Variants in SCAPER observed in about 807,000 individuals in gnomAD.
SCAPER encodes the protein S phase cyclin A-associated protein in the endoplasmic reticulum.
Under a neutral mutation model 182.2 loss-of-function variants are expected in SCAPER, and 98 were observed. The ratio of observed to expected loss-of-function variants is 0.54; its 90% CI spans 0.46 to 0.64. The LOEUF is 0.64. Ranked by LOEUF, SCAPER falls within the 30% of genes least tolerant of loss-of-function variation. The pLI, the probability that SCAPER is intolerant of heterozygous loss-of-function variation, is 0.00. For missense variants in SCAPER, 1,432 were observed against 1,690.0 expected, an observed-to-expected ratio of 0.85 and a Z score of 2.68; for synonymous variants, 605 against 564.6, an observed-to-expected ratio of 1.07 and a Z score of -1.01.
chr15:76,490,544 T>C (rs984188791), intron 24 of SCAPER, among the ~76,000 whole-genome samples: 8 of 152,206 alleles, frequency 5.3e-5, no homozygotes, highest in Non-Finnish European at 5.9e-5. Flanking sequence ...ATTTTGAACT[T>C]AACCCTTTCT....
At position 76,441,487 on chromosome 15, in the gene SCAPER, C is replaced by G. The variant is rs551698721; in HGVS notation, c.3079-7177G>C. On this transcript the variant is annotated intron_variant, in intron 25 of 31. Transcript: ENST00000563290. ...TCCCTGGTATCTCATTTCCTGCAAA[C>G]TAAAAGCTCCAAACCTCATGATGCC... Among the ~76,000 whole-genome samples the G allele has an allele frequency of 1.4e-4, 22 of 152,282 alleles. No individual in the cohort carries two copies. The South Asian group carries it at 1.5e-3, about 10-fold the overall frequency.
intron 29 of SCAPER, among the ~76,000 whole-genome samples, chr15:76,367,110 G>A (rs2041865034): frequency 6.6e-6 from 1 of 152,180 alleles, no homozygotes; most frequent in African/African-American, 2.4e-5. Flanking sequence ...CTCTATCAGA[G>A]CTGAAAGGCT....
intron 26 of SCAPER, among the ~76,000 whole-genome samples, chr15:76,420,076 A>G (rs1455740014): frequency 6.6e-6 from 1 of 152,098 alleles, no homozygotes; most frequent in Non-Finnish European, 1.5e-5. Flanking sequence ...CAATTTGACA[A>G]AACTCAACAT....
chr15:76,546,177 A>C (rs912890712), intron 23 of SCAPER, among the ~76,000 whole-genome samples: 55 of 152,294 alleles, frequency 3.6e-4, no homozygotes, highest in African/African-American at 1.3e-3. Context: ...TCTACACACC[A>C]AGATACACCC....
intron 25 of SCAPER, among the ~76,000 whole-genome samples, chr15:76,453,227 TC>T (rs978374419): frequency 6.6e-6 from 1 of 152,236 alleles, no homozygotes; most frequent in Non-Finnish European, 1.5e-5. Flanking sequence ...AGGGACATTC[TC>T]CTACATTACA....
chr15:76,741,165 A>G (rs2061519243), intron 15 of SCAPER, among the ~76,000 whole-genome samples: 1 of 152,142 alleles, frequency 6.6e-6, no homozygotes, highest in South Asian at 2.1e-4. Context: ...ACGAAGTATC[A>G]TGTATAGCAT....
At chr15:76,531,755 C>T (rs745492447) in intron 23 of SCAPER, among the ~76,000 whole-genome samples, 7 of 152,056 alleles carry the variant, frequency 4.6e-5, no homozygotes, top group African/African-American at 9.7e-5. Flanking sequence ...CAGTGTCTTC[C>T]GACTCTGAGT....
chr15:76,615,806 C>A (rs371837630), intron 22 of SCAPER, among the ~76,000 whole-genome samples: 8 of 134,546 alleles, frequency 5.9e-5, no homozygotes, highest in Non-Finnish European at 1.2e-4. Flanking sequence ...GGTAACAGAG[C>A]GAGATTCCAT....
chr15:76,503,582 T>C (rs1338156301), intron 24 of SCAPER, among the ~76,000 whole-genome samples: 4 of 152,210 alleles, frequency 2.6e-5, no homozygotes, highest in Admixed American at 6.5e-5. Context: ...TACACTATAA[T>C]GAACACTTAA....
rs955901490 is a variant in SCAPER at position 76,568,866 on chromosome 15, C to T, written c.2838+5292G>A. ...AATCCATAAACATTATAGATTTACT[C>T]CTAGATATTTAATATTTTGATAATA... On this transcript the variant is annotated intron_variant, in intron 23 of 31. Coordinates refer to ENST00000563290, the MANE Select transcript of SCAPER (RefSeq NM_020843.4). Among the ~76,000 whole-genome samples, 19 of 151,856 alleles carry T rather than the reference C, an allele frequency of 1.3e-4. 1 individual carries two copies. Among genetic ancestry groups the T allele is most frequent in the African/African-American group, 4.1e-4 (17 of 41,454 alleles).
At chr15:76,510,771 G>C (rs758377455) in intron 23 of SCAPER, among the ~76,000 whole-genome samples, 1 of 152,196 alleles carries the variant, frequency 6.6e-6, no homozygotes, top group Non-Finnish European at 1.5e-5. Context: ...ACTTGCTCAC[G>C]CATGTTTATA....
chr15:76,441,038 C>G (rs942389763), intron 25 of SCAPER, among the ~76,000 whole-genome samples: 92 of 150,374 alleles, frequency 6.1e-4, no homozygotes, highest in Non-Finnish European at 8.6e-4. Context: ...TCTCCCACCT[C>G]AGCCTCCTGA....
intron 22 of SCAPER, among the ~76,000 whole-genome samples, chr15:76,582,957 A>T (rs1260490824): frequency 5.3e-5 from 8 of 152,212 alleles, no homozygotes; most frequent in Admixed American, 5.2e-4. Flanking sequence ...TACAAAAGTC[A>T]AATCAAAGAG....
chr15:76,390,091 G>A lies in SCAPER; in HGVS notation c.3468-8476C>T, dbSNP rs1409066257. ...CCCATGTCAGCCTCCCAAGTAGCTG[G>A]GACTACAGGCATATGCTACTACACC... On this transcript the variant is annotated intron_variant, in intron 27 of 31. Coordinates refer to ENST00000563290, the MANE Select transcript of SCAPER (RefSeq NM_020843.4). 2.6e-5 allele frequency among the ~76,000 whole-genome samples: 4 copies of A among 151,994 alleles called. No individual in the cohort carries two copies. The East Asian group carries it at 7.7e-4, about 29-fold the overall frequency.
At chr15:76,607,052 T>C (rs2145872833) in intron 22 of SCAPER, among the ~76,000 whole-genome samples, 1 of 152,366 alleles carries the variant, frequency 6.6e-6, no homozygotes, top group South Asian at 2.1e-4. Context: ...AATTTGATCC[T>C]GTCATTATGA....
At chr15:76,748,627 A>G (rs1387500077) in intron 15 of SCAPER, among the ~76,000 whole-genome samples, 1 of 151,526 alleles carries the variant, frequency 6.6e-6, no homozygotes, top group Non-Finnish European at 1.5e-5. Flanking sequence ...TCCAGAACAT[A>G]CAAGGAACTC....
chr15:76,383,330 C>T (rs1379365011), intron 27 of SCAPER, among the ~76,000 whole-genome samples: 1 of 152,070 alleles, frequency 6.6e-6, no homozygotes, highest in African/African-American at 2.4e-5. Context: ...TTTCTCAATT[C>T]ATAACTTAGT....
At chr15:76,641,776 G>A (rs956343061) in intron 21 of SCAPER, among the ~76,000 whole-genome samples, 5 of 152,144 alleles carry the variant, frequency 3.3e-5, no homozygotes, top group Non-Finnish European at 5.9e-5. Context: ...ATAAGATGCA[G>A]CATGATAAAA....
At chr15:76,423,227 C>T (rs562529670) in intron 26 of SCAPER, among the ~76,000 whole-genome samples, 17 of 152,242 alleles carry the variant, frequency 1.1e-4, no homozygotes, top group East Asian at 1.9e-4. Context: ...TGGTAGAATT[C>T]GGCTGTGAAT....
Sources: gnomAD v4.1 joint callset for allele counts (sites outside exome capture counted in the v4.1 genomes callset) on GRCh38, gnomAD v4.1.1 for gene constraint, MANE v1.5 for transcripts, NCBI Gene and HGNC (gene_info 2026-07-23, HGNC 2026-07-21) for gene names.